Variants in TENT5D observed in about 807,000 individuals in gnomAD.
The protein encoded by TENT5D is terminal nucleotidyltransferase 5D.
For synonymous variants in TENT5D, 103 were observed against 100.6 expected (o/e 1.02, Z -0.15); for missense variants, 191 against 287.0 (o/e 0.67, Z 2.42).
At chrX:80,397,221 C>T in intron 3 of TENT5D, among the ~76,000 whole-genome samples, 1 of 105,980 alleles carries the variant, frequency 9.4e-6, no homozygotes, top group Non-Finnish European at 2.0e-5. Context: ...GACGGGGCGG[C>T]CGGGCAGAGA....
chrX:80,346,805 T>C (rs1216426310), intron 3 of TENT5D, among the ~76,000 whole-genome samples: 1 of 110,904 alleles, frequency 9.0e-6, no homozygotes, highest in Non-Finnish European at 1.9e-5. Context: ...ATTAGGTATT[T>C]GTCCTAATGC....
chrX:80,429,367 A>G (rs1277201836), intron 1 of TENT5D, among the ~76,000 whole-genome samples: 2 of 110,905 alleles, frequency 1.8e-5, no homozygotes, highest in East Asian at 5.6e-4. Context: ...CAGTGGCACA[A>G]TCTCGGCTCA....
intron 3 of TENT5D, among the ~76,000 whole-genome samples, chrX:80,400,274 G>A (rs1931368552): frequency 8.9e-6 from 1 of 111,907 alleles, no homozygotes; most frequent in Admixed American, 9.5e-5. Context: ...TTCTGAATGT[G>A]TTCTTTATGG....
intron 3 of TENT5D, among the ~76,000 whole-genome samples, chrX:80,387,236 G>A (rs1931033749): frequency 8.9e-6 from 1 of 112,173 alleles, no homozygotes; most frequent in East Asian, 2.8e-4. Context: ...GGTTCCTGAT[G>A]CCTTATATAC....
chrX:80,411,254 AG>A (rs1407941503), intron 3 of TENT5D, among the ~76,000 whole-genome samples: 102 of 111,322 alleles, frequency 9.2e-4, no homozygotes, highest in African/African-American at 3.1e-3. Flanking sequence ...TAAAAAAAAA[AG>A]AAAGAAAATT....
intron 3 of TENT5D, among the ~76,000 whole-genome samples, chrX:80,383,811 G>A (rs1330920888): frequency 1.2e-4 from 13 of 111,179 alleles, no homozygotes; most frequent in African/African-American, 3.9e-4. Flanking sequence ...AGCCGAGATT[G>A]TGCCACGGCA....
chrX:80,440,972 T>C (rs1602225875), intron 2 of TENT5D, among the ~76,000 whole-genome samples: 1 of 111,227 alleles, frequency 9.0e-6, no homozygotes, highest in East Asian at 2.8e-4. Context: ...TCTCATTGCA[T>C]GTTGTATCAC....
intron 2 of TENT5D, among the ~76,000 whole-genome samples, chrX:80,341,610 G>C (rs923698187): frequency 2.7e-5 from 3 of 111,644 alleles, no homozygotes; most frequent in Middle Eastern, 4.2e-3. Flanking sequence ...AGCTAGCTCT[G>C]ATCTAGGTTG....
intron 3 of TENT5D, among the ~76,000 whole-genome samples, chrX:80,390,656 A>G (rs1931106135): frequency 9.0e-6 from 1 of 111,616 alleles, no homozygotes; most frequent in South Asian, 3.8e-4. Flanking sequence ...TCAGGGTACT[A>G]TAACATACAA....
At chrX:80,405,378 C>T (rs1162601486) in intron 3 of TENT5D, among the ~76,000 whole-genome samples, 1 of 110,631 alleles carries the variant, frequency 9.0e-6, no homozygotes, top group African/African-American at 3.3e-5. Context: ...AGACAGTGGG[C>T]GCAGGTCAGT....
chrX:80,405,549 C>T (rs1156581070), intron 3 of TENT5D, among the ~76,000 whole-genome samples: 1 of 112,215 alleles, frequency 8.9e-6, no homozygotes, highest in Non-Finnish European at 1.9e-5. Context: ...TTCGGACCGG[C>T]TTAAAAAACG....
At chrX:80,367,255 C>T (rs963180559) in intron 3 of TENT5D, among the ~76,000 whole-genome samples, 1 of 111,325 alleles carries the variant, frequency 9.0e-6, no homozygotes. Flanking sequence ...TGATTTTGAG[C>T]AATCATCAGA....
intron 1 of TENT5D, among the ~76,000 whole-genome samples, chrX:80,431,040 G>A (rs1439916033): frequency 8.9e-6 from 1 of 111,808 alleles, no homozygotes; most frequent in Non-Finnish European, 1.9e-5. Flanking sequence ...TGGCCCCAGT[G>A]AAACATTAGA....
At position 80,413,124 on chromosome X, in the gene TENT5D, T is replaced by G. The variant is rs1417995432; in HGVS notation, c.-141-25486T>G. On this transcript the variant is annotated intron_variant, in intron 3 of 4. Coordinates refer to the TENT5D transcript ENST00000538312. ...GAGATAAATAACGTATGCTGACAAT[T>G]GTGAAGCCATTTCTAATTCTATTTC... 3.6e-5 allele frequency among the ~76,000 whole-genome samples: 4 copies of G among 111,991 alleles called. No homozygotes were observed. The Admixed American group carries it at 3.8e-4, about 11-fold the overall frequency.
chrX:80,347,744 GC>G (rs1169765035), intron 3 of TENT5D, among the ~76,000 whole-genome samples: 1 of 111,983 alleles, frequency 8.9e-6, no homozygotes, highest in Non-Finnish European at 1.9e-5. Context: ...TGAAGTCTTT[GC>G]CCATGCCTAC....
chrX:80,335,900 C>CT lies in TENT5D; in HGVS notation c.-207+193dup, dbSNP rs762894249. On this transcript the variant is annotated intron_variant, in intron 2 of 4. Coordinates refer to the TENT5D transcript ENST00000538312. ...TATGTGAAATATGTATTCGCACTAA[C>CT]TTTTTTTTTCAATATATATATAAGA... Among the ~76,000 whole-genome samples, 14 of 109,076 alleles carry CT rather than the reference C, an allele frequency of 1.3e-4. No individual in the cohort carries two copies. The East Asian group carries it at 3.7e-3, about 29-fold the overall frequency. The allele number at this position is 109,076 out of a possible 115,157, so 94.7% of individuals were successfully genotyped here.
intron 3 of TENT5D, among the ~76,000 whole-genome samples, chrX:80,362,231 T>C (rs1033049701): frequency 3.6e-5 from 4 of 110,950 alleles, no homozygotes; most frequent in Non-Finnish European, 5.7e-5. Context: ...TGGTGCCATC[T>C]CAGCCCACTC....
At chrX:80,346,589 A>T (rs949783459) in intron 3 of TENT5D, among the ~76,000 whole-genome samples, 17 of 112,041 alleles carry the variant, frequency 1.5e-4, no homozygotes, top group Admixed American at 9.5e-4. Context: ...CTAAAGGCTC[A>T]TGATAGTGCG....
intron 1 of TENT5D, among the ~76,000 whole-genome samples, chrX:80,425,843 A>G (rs1228005367): frequency 9.0e-6 from 1 of 110,521 alleles, no homozygotes; most frequent in African/African-American, 3.3e-5. Flanking sequence ...CCTGGCCAAT[A>G]TGGTGAAACC....
Sources: allele counts gnomAD v4.1 joint callset (sites outside exome capture counted in the v4.1 genomes callset), GRCh38; gene constraint gnomAD v4.1.1; transcripts MANE v1.5; gene names NCBI Gene and HGNC (gene_info 2026-07-23, HGNC 2026-07-21).